PC: variants seen among roughly 807,000 people sequenced by gnomAD.
PC encodes the protein pyruvate carboxylase, also known as pyruvate carboxylase, mitochondrial.
PC carries 46 observed loss-of-function variants against 107.8 expected under a neutral mutation model. The observed-to-expected ratio is 0.43, with a 90% CI of 0.34 to 0.55. PC has a LOEUF of 0.55. Among genes scored for constraint, PC ranks in the 20% least tolerant of loss-of-function variants. PC has a pLI of 0.04. For synonymous variants in PC, 662 were observed against 684.7 expected, an observed-to-expected ratio of 0.97 and a Z score of 0.52; for missense variants, 1,241 against 1,643.1, an observed-to-expected ratio of 0.76 and a Z score of 4.23.
Position 66,866,091 on chromosome 11 carries a change from T to C in PC, c.1185+96A>G, listed in dbSNP as rs900618242. Reference sequence around the variant, plus strand: ...AGCCCACATGCGGGTCCTCCCTAACTGCCGGGCTGTGGCAACTTGGCACTG... The same window carrying C: ...AGCCCACATGCGGGTCCTCCCTAACCGCCGGGCTGTGGCAACTTGGCACTG... On this transcript the variant is annotated intron_variant, in intron 11 of 22. Coordinates refer to ENST00000393960, the MANE Select transcript of PC (RefSeq NM_001040716.2). The surrounding 1 kb of genome is among the most constrained non-coding windows in gnomAD (Gnocchi z 5.4). The C allele has an allele frequency of 1.4e-6, 2 of 1,402,978 alleles. No homozygotes were observed. The highest frequency in any genetic ancestry group is 3.5e-5 in the Admixed American group (2 of 57,470). 86.9% of individuals were successfully genotyped at this position (1,402,978 alleles called of 1,614,324 possible). A position where few individuals can be genotyped will look rare whatever the true frequency, so the allele number is the denominator to read the frequency against.
intron 12 of PC, among the ~76,000 whole-genome samples, chr11:66,861,758 G>C (rs1024023924): frequency 9.2e-5 from 14 of 152,128 alleles, no homozygotes; most frequent in Non-Finnish European, 4.4e-5. Context: ...GTGCACATTT[G>C]GGGAGGACTT....
chr11:66,875,460 G>T (rs1591202115), intron 3 of PC, among the ~76,000 whole-genome samples: 3 of 152,112 alleles, frequency 2.0e-5, no homozygotes, highest in African/African-American at 7.2e-5. Context: ...AGCATCACAG[G>T]GGCGGTGGTG....
chr11:66,866,564 G>A lies in PC; in HGVS notation c.1023-215C>T, dbSNP rs1477376149. On this transcript the variant is annotated intron_variant, in intron 10 of 22. Transcript: ENST00000393960. The surrounding 1 kb of genome is among the most constrained non-coding windows in gnomAD (Gnocchi z 5.4). ...CCGGGAGCCGACTAAACTACACAGT[G>A]CCTGGCAGCTGGAGATGGCCCGCTG... 6.6e-6 allele frequency among the ~76,000 whole-genome samples: 1 copy of A among 152,154 alleles called. No homozygotes were observed. The highest frequency in any genetic ancestry group is 1.9e-4 in the East Asian group (1 of 5,184).
chr11:66,853,037 T>TG (rs1945599788), intron 13 of PC: 11 of 696,520 alleles, frequency 1.6e-5, no homozygotes, highest in Admixed American at 2.8e-5. Flanking sequence ...GATGGAAAGG[T>TG]GGGGTCTCTC....
At chr11:66,851,444 G>A (rs1415826105) in intron 16 of PC, among the ~76,000 whole-genome samples, 164 bp from the exon 17 acceptor site, 2 of 152,184 alleles carry the variant, frequency 1.3e-5, no homozygotes, top group African/African-American at 2.4e-5. Context: ...CCACACAAGT[G>A]TGGACCAGGC....
intron 3 of PC, among the ~76,000 whole-genome samples, chr11:66,893,900 G>C (rs1226812966): frequency 6.6e-6 from 1 of 151,478 alleles, no homozygotes; most frequent in Non-Finnish European, 1.5e-5. Context: ...TAAGCTTAGG[G>C]TCTTCTTTAG....
Position 66,870,991 on chromosome 11 carries a change from C to T in PC, c.633+61G>A, listed in dbSNP as rs945021416. ...CACTTTCCAGATCCCTTGAGTGGTC[C>T]GCCCCTGCCCCCACGGCAGGCTGCC... On this transcript the variant is annotated intron_variant, in intron 7 of 22. Transcript: ENST00000393960. This position sits in a 1 kb window ranked among gnomAD's most constrained non-coding sequence, Gnocchi z 6.1. The T allele has an allele frequency of 1.3e-5, 21 of 1,609,976 alleles. No individual in the cohort carries two copies. The highest frequency in any genetic ancestry group is 6.7e-5 in the African/African-American group (5 of 74,866).
chr11:66,855,995 T>G (rs559017944), intron 12 of PC, among the ~76,000 whole-genome samples: 2 of 151,548 alleles, frequency 1.3e-5, no homozygotes, highest in East Asian at 3.9e-4. Flanking sequence ...TTTAGGTGGC[T>G]TAAGGACCAG....
At chr11:66,876,747 G>T (rs1173807815) in intron 3 of PC, among the ~76,000 whole-genome samples, 1 of 152,190 alleles carries the variant, frequency 6.6e-6, no homozygotes, top group Non-Finnish European at 1.5e-5. Context: ...CAGGTGTGGG[G>T]TGTAAATCTC....
intron 3 of PC, among the ~76,000 whole-genome samples, chr11:66,899,700 C>T (rs1380431095): frequency 1.3e-5 from 2 of 152,186 alleles, no homozygotes; most frequent in Admixed American, 1.3e-4. Context: ...AAATGTTCTC[C>T]CACTTTGTGG....
intron 1 of PC, among the ~76,000 whole-genome samples, chr11:66,955,683 T>C (rs1160663974): frequency 6.6e-6 from 1 of 152,076 alleles, no homozygotes; most frequent in Non-Finnish European, 1.5e-5. Flanking sequence ...TGACGGCTGC[T>C]TTCAGGGAGC....
At chr11:66,926,075 T>G (rs1948708939) in intron 3 of PC, among the ~76,000 whole-genome samples, 1 of 152,240 alleles carries the variant, frequency 6.6e-6, no homozygotes, top group Admixed American at 6.5e-5. Flanking sequence ...GAAGCATGTT[T>G]CTTTGCAGAT....
intron 16 of PC, 86 bp from the exon 17 acceptor site, chr11:66,851,366 G>A (rs563640920): frequency 1.3e-5 from 20 of 1,571,464 alleles, no homozygotes; most frequent in Middle Eastern, 3.3e-4. Context: ...CCCACTCTAT[G>A]GCCCCTGGGG....
chr11:66,887,720 C>T (rs559150108), intron 3 of PC, among the ~76,000 whole-genome samples: 16 of 152,186 alleles, frequency 1.1e-4, no homozygotes, highest in African/African-American at 3.6e-4. Flanking sequence ...GACTGAAGGA[C>T]GCGTATCCAT....
In PC at chr11:66,850,934, T is replaced by C; in HGVS notation, c.2224-11A>G. The C allele has an allele frequency of 6.2e-7, 1 of 1,606,528 alleles. No homozygotes were observed. On this transcript the variant is annotated splice_polypyrimidine_tract_variant and intron_variant, in intron 17 of 22. Coordinates refer to ENST00000393960, the MANE Select transcript of PC (RefSeq NM_001040716.2). ...CAGCCCGGCCATGTCCTGGGGGAAG[T>C]GGGAGAGAGAGAGAGAGAGATGGTA...
intron 3 of PC, among the ~76,000 whole-genome samples, chr11:66,873,537 TTA>T (rs1946862836): frequency 1.0e-5 from 1 of 100,352 alleles, no homozygotes; most frequent in Non-Finnish European, 1.9e-5. Context: ...ATAATATATA[TTA>T]TATATAATAT....
Position 66,871,492 on chromosome 11 carries a change from G to A in PC, c.322-12C>T, listed in dbSNP as rs568949134. On this transcript the variant is annotated splice_polypyrimidine_tract_variant and intron_variant, in intron 5 of 22. Coordinates refer to ENST00000393960, the MANE Select transcript of PC (RefSeq NM_001040716.2). The surrounding 1 kb of genome is among the most constrained non-coding windows in gnomAD (Gnocchi z 7.4). ...TCTACGTTGTTCTCCTGCAGGTGGGGGTCAGGGAGAGGACGGTACCTTGCA... is the reference window on the plus strand; with the variant it reads ...TCTACGTTGTTCTCCTGCAGGTGGGAGTCAGGGAGAGGACGGTACCTTGCA... 1.9e-6 allele frequency: 3 copies of A among 1,613,086 alleles called. No homozygotes were observed. The highest frequency in any genetic ancestry group is 3.3e-5 in the Admixed American group (2 of 60,038).
chr11:66,883,112 T>C (rs1033393664), intron 3 of PC, among the ~76,000 whole-genome samples: 3 of 152,106 alleles, frequency 2.0e-5, no homozygotes, highest in Non-Finnish European at 4.4e-5. Flanking sequence ...CAGTGAACAG[T>C]GCCAGCAGGG....
Position 66,849,999 on chromosome 11 carries a change from C to G in PC, c.2836G>C (p.Glu946Gln). 1.2e-6 allele frequency: 2 copies of G among 1,613,714 alleles called. No individual in the cohort carries two copies. Among genetic ancestry groups the G allele is most frequent in the Non-Finnish European group, 1.7e-6 (2 of 1,180,038 alleles). The change falls in exon 20 of 23, where the codon GAG becomes CAG. Residue 946 changes from glutamate to glutamine, a missense_variant. By Grantham distance (29) the Glu-to-Gln change is conservative (BLOSUM62 2). Around this residue, in one of 2 missense-constraint regions of PC, gnomAD observed 1,143 missense variants for 1,551.9 expected, o/e 0.74. Transcript: ENST00000393960. Reference sequence around the variant, plus strand: ...ACACCGATGTAGCCCTGCAGGAACTCCACCACGGAGCGGGGAAAGGACAGC... The same window carrying G: ...ACACCGATGTAGCCCTGCAGGAACTGCACCACGGAGCGGGGAAAGGACAGC... ...EELSFPRSVV[E>Q]FLQGYIGVPH...
Sources: allele counts gnomAD v4.1 joint callset (sites outside exome capture counted in the v4.1 genomes callset), GRCh38; gene constraint gnomAD v4.1.1; regional missense constraint gnomAD v4.1.1; non-coding constraint Gnocchi (gnomAD v3.1); transcripts MANE v1.5; gene names NCBI Gene and HGNC (gene_info 2026-07-23, HGNC 2026-07-21).